TMEM108: variants seen among roughly 807,000 people sequenced by gnomAD.
The protein encoded by TMEM108 is cancer/testis antigen 124.
TMEM108 carries 12 observed loss-of-function variants against 35.1 expected under a neutral mutation model. The observed-to-expected ratio is 0.34, with a 90% CI of 0.22 to 0.55. The LOEUF is 0.55. TMEM108 is among the 20% of genes least tolerant of loss of function. TMEM108 has a pLI of 0.89. For synonymous variants in TMEM108, 287 were observed against 308.6 expected (o/e 0.93, Z 0.73); for missense variants, 680 against 753.3 (o/e 0.90, Z 1.14).
In TMEM108 at chr3:133,301,180, G is replaced by A. The variant is rs377574895; in HGVS notation, c.40+71829G>A. ...TGCCAAGTACACATCCTGCAAGTCC[G>A]CAGTCAGTTCTAATGCCAAGCAAGG... On this transcript the variant is annotated intron_variant, in intron 3 of 5. Transcript: ENST00000321871. Among the ~76,000 whole-genome samples, 16 of 152,076 alleles carry A rather than the reference G, an allele frequency of 1.1e-4. No homozygotes were observed. In the East Asian group the frequency reaches 1.2e-3, roughly 11 times the overall value.
intron 3 of TMEM108, among the ~76,000 whole-genome samples, chr3:133,251,291 T>G (rs1946466028): frequency 2.0e-5 from 3 of 152,194 alleles, no homozygotes; most frequent in Admixed American, 2.0e-4. Flanking sequence ...AGGATGGCTT[T>G]AAAAGATTAT....
intron 2 of TMEM108, among the ~76,000 whole-genome samples, chr3:133,125,550 TG>T (rs1475666050): frequency 6.6e-6 from 1 of 152,058 alleles, no homozygotes; most frequent in Admixed American, 6.6e-5. Context: ...GAATACAATT[TG>T]GGGGGTAGGT....
chr3:133,131,393 A>G (rs1369405113), intron 2 of TMEM108, among the ~76,000 whole-genome samples: 2 of 150,788 alleles, frequency 1.3e-5, no homozygotes, highest in South Asian at 2.2e-4. Flanking sequence ...ATCAACACCT[A>G]TTTCCAACAG....
At chr3:133,090,493 C>T (rs1435330458) in intron 2 of TMEM108, among the ~76,000 whole-genome samples, 1 of 152,224 alleles carries the variant, frequency 6.6e-6, no homozygotes, top group Admixed American at 6.5e-5. Flanking sequence ...TAGGCAGACA[C>T]TTTTGGGACA....
intron 2 of TMEM108, among the ~76,000 whole-genome samples, chr3:133,118,581 A>G (rs1056878818): frequency 5.3e-5 from 8 of 152,192 alleles, no homozygotes; most frequent in Admixed American, 5.2e-4. Flanking sequence ...AAAATTTAGT[A>G]CAGGTGATTT....
At chr3:133,227,872 C>T (rs368908921) in intron 2 of TMEM108, among the ~76,000 whole-genome samples, 18 of 151,698 alleles carry the variant, frequency 1.2e-4, no homozygotes, top group African/African-American at 2.2e-4. Flanking sequence ...TCCAGCCTGG[C>T]GACAGAGTGA....
intron 3 of TMEM108, among the ~76,000 whole-genome samples, chr3:133,231,144 C>A (rs1946147351): frequency 6.6e-6 from 1 of 152,094 alleles, no homozygotes; most frequent in Non-Finnish European, 1.5e-5. Flanking sequence ...GACATTTAGT[C>A]TGTGTCTAAA....
At chr3:133,386,893 C>T in intron 4 of TMEM108, 1 of 661,086 alleles carries the variant, frequency 1.5e-6, no homozygotes, top group Non-Finnish European at 1.9e-6. Context: ...CTATGACCTT[C>T]AGTTACCTGT....
chr3:133,129,087 G>A (rs990235485), intron 2 of TMEM108, among the ~76,000 whole-genome samples: 1 of 152,200 alleles, frequency 6.6e-6, no homozygotes, highest in Non-Finnish European at 1.5e-5. Context: ...GCTCACGCCT[G>A]TAATTCCAGC....
intron 2 of TMEM108, among the ~76,000 whole-genome samples, chr3:133,195,909 A>C (rs910323978): frequency 6.6e-6 from 1 of 152,286 alleles, no homozygotes; most frequent in East Asian, 1.9e-4. Context: ...ATGTTTCTTT[A>C]ATTTCCCTTT....
At chr3:133,352,112 AT>A (rs1302408897) in intron 3 of TMEM108, among the ~76,000 whole-genome samples, 1 of 152,116 alleles carries the variant, frequency 6.6e-6, no homozygotes, top group Non-Finnish European at 1.5e-5. Flanking sequence ...TTATTTACAA[AT>A]TTATTTTCAT....
chr3:133,295,727 C>G (rs545117366), intron 3 of TMEM108, among the ~76,000 whole-genome samples: 1 of 152,256 alleles, frequency 6.6e-6, no homozygotes, highest in African/African-American at 2.4e-5. Flanking sequence ...GTTAAGGCCA[C>G]CACTGGCTTC....
intron 2 of TMEM108, among the ~76,000 whole-genome samples, chr3:133,071,880 G>A (rs1576303321): frequency 6.6e-6 from 1 of 152,242 alleles, no homozygotes; most frequent in East Asian, 1.9e-4. Flanking sequence ...TGTTGCCAGT[G>A]CTTCTGATAT....
At chr3:133,343,500 A>G (rs2071724551) in intron 3 of TMEM108, among the ~76,000 whole-genome samples, 1 of 151,974 alleles carries the variant, frequency 6.6e-6, no homozygotes, top group Non-Finnish European at 1.5e-5. Context: ...GAATGAGTAA[A>G]CAAACTGTGG....
chr3:133,166,382 TAAAG>T (rs1460022123), intron 2 of TMEM108, among the ~76,000 whole-genome samples: 4 of 152,322 alleles, frequency 2.6e-5, no homozygotes, highest in African/African-American at 4.8e-5. Context: ...TACTCATAAA[TAAAG>T]AGTTTTGTGT....
intron 2 of TMEM108, among the ~76,000 whole-genome samples, chr3:133,136,603 A>C (rs2107750563): frequency 6.6e-6 from 1 of 152,294 alleles, no homozygotes; most frequent in Non-Finnish European, 1.5e-5. Flanking sequence ...CAGGGTGTGA[A>C]GTAGTTTTGA....
At chr3:133,198,479 A>T (rs1035131430) in intron 2 of TMEM108, among the ~76,000 whole-genome samples, 3 of 152,196 alleles carry the variant, frequency 2.0e-5, no homozygotes, top group African/African-American at 7.2e-5. Context: ...TCTTTGAATA[A>T]TTCTACTGAC....
intron 4 of TMEM108, among the ~76,000 whole-genome samples, chr3:133,382,346 C>CTAGTT (rs1440434919): frequency 6.6e-6 from 1 of 152,236 alleles, no homozygotes; most frequent in East Asian, 1.9e-4. Flanking sequence ...CCATACAACT[C>CTAGTT]TAGTTTGTCT....
At position 133,149,661 on chromosome 3, in the gene TMEM108, G is replaced by A. The variant is rs111231784; in HGVS notation, c.-46-79605G>A. On this transcript the variant is annotated intron_variant, in intron 2 of 5. Transcript: ENST00000321871. Reference sequence around the variant, plus strand: ...CCTCTAGGTTCATCTATGTTTCAGCGAATGGCAGAATTTTCTTCTTTTTAA... The same window carrying A: ...CCTCTAGGTTCATCTATGTTTCAGCAAATGGCAGAATTTTCTTCTTTTTAA... Among the ~76,000 whole-genome samples, 305 of 152,168 alleles carry A rather than the reference G, an allele frequency of 2.0e-3. 5 individuals are homozygous for A. Among genetic ancestry groups the A allele is most frequent in the African/African-American group, 7.0e-3 (290 of 41,516 alleles).
Sources: allele counts gnomAD v4.1 joint callset (sites outside exome capture counted in the v4.1 genomes callset), GRCh38; gene constraint gnomAD v4.1.1; transcripts MANE v1.5; gene names NCBI Gene and HGNC (gene_info 2026-07-23, HGNC 2026-07-21).